Variants in MARCHF6 observed in about 807,000 individuals in gnomAD.
MARCHF6 encodes E3 ubiquitin-protein ligase MARCHF6.
In MARCHF6, 31 loss-of-function variants were observed where a neutral mutation model predicts 133.7. The observed-to-expected ratio is 0.23, with a 90% CI of 0.17 to 0.31. The LOEUF (loss-of-function observed/expected upper bound fraction) is 0.31, where lower values mean the gene tolerates loss of function less well. MARCHF6 is among the 10% of genes least tolerant of loss of function. MARCHF6 has a pLI of 1.00. For synonymous variants in MARCHF6, 395 were observed against 402.5 expected (o/e 0.98, Z 0.22); for missense variants, 723 against 1,121.6 (o/e 0.64, Z 5.08).
At chr5:10,406,393 C>CTT (rs879432928) in intron 16 of MARCHF6, among the ~76,000 whole-genome samples, 6 of 142,172 alleles carry the variant, frequency 4.2e-5, no homozygotes, top group Non-Finnish European at 7.8e-5. Flanking sequence ...TAATTTCTTT[C>CTT]TTTTTTTTTT....
At position 10,383,061 on chromosome 5, in the gene MARCHF6, T is replaced by TC. The variant is rs1162633228; in HGVS notation, c.334+1118_334+1119insC. On this transcript the variant is annotated intron_variant, in intron 4 of 25. Transcript: ENST00000274140. Reference sequence around the variant, plus strand: ...AGATTCATTAGAGTTAAACTAAATGTTTAATTAGTATAATTGATATCTTCA... The same window carrying TC: ...AGATTCATTAGAGTTAAACTAAATGTCTTAATTAGTATAATTGATATCTTCA... 3.3e-5 allele frequency among the ~76,000 whole-genome samples: 5 copies of TC among 152,234 alleles called. No individual in the cohort carries two copies. The East Asian group carries it at 9.6e-4, about 29-fold the overall frequency.
At chr5:10,429,175 A>G (rs1740242635) in intron 24 of MARCHF6, among the ~76,000 whole-genome samples, 1 of 152,204 alleles carries the variant, frequency 6.6e-6, no homozygotes, top group African/African-American at 2.4e-5. Context: ...CCTCGAAAGT[A>G]CTTGCTCTGA....
chr5:10,414,147 CAA>C (rs1014193709), intron 19 of MARCHF6, among the ~76,000 whole-genome samples: 3 of 143,668 alleles, frequency 2.1e-5, no homozygotes, highest in Non-Finnish European at 4.5e-5. Flanking sequence ...GTTTTAATAA[CAA>C]GGGAAAATTT....
chr5:10,364,064 T>TG (rs1735981547), intron 1 of MARCHF6, among the ~76,000 whole-genome samples: 1 of 152,206 alleles, frequency 6.6e-6, no homozygotes, highest in Non-Finnish European at 1.5e-5. Context: ...TTAAAACAAT[T>TG]GAAGTCTTTA....
chr5:10,384,635 C>G (rs1010267206), intron 4 of MARCHF6, among the ~76,000 whole-genome samples: 12 of 152,124 alleles, frequency 7.9e-5, no homozygotes, highest in African/African-American at 2.9e-4. Context: ...ACATGAAAAA[C>G]TGCTCAGCAT....
intron 3 of MARCHF6, among the ~76,000 whole-genome samples, chr5:10,379,486 C>T (rs536708235): frequency 1.3e-3 from 198 of 150,530 alleles, no homozygotes; most frequent in Non-Finnish European, 1.5e-3. Context: ...GACAGAATCT[C>T]GCTCTGTTCT....
At chr5:10,424,058 T>C (rs946444009) in intron 23 of MARCHF6, among the ~76,000 whole-genome samples, 1 of 152,120 alleles carries the variant, frequency 6.6e-6, no homozygotes, top group African/African-American at 2.4e-5. Flanking sequence ...TGGAACCCTT[T>C]AATAAAAGAC....
Position 10,417,292 on chromosome 5 carries a change from C to G in MARCHF6, c.2171C>G (p.Ala724Gly). The change falls in exon 22 of 26, where the codon GCG becomes GGG. Residue 724 changes from alanine to glycine, a missense_variant. By Grantham distance (60) the Ala-to-Gly change is moderately conservative (BLOSUM62 0). Transcript: ENST00000274140. ...TAGATCATGAAGACTTTGATAGTTGCGGTGCTGTTGGCTGGAGTTGTCCCT... is the reference window on the plus strand; with the variant it reads ...TAGATCATGAAGACTTTGATAGTTGGGGTGCTGTTGGCTGGAGTTGTCCCT... ...SLMIMKTLIVAVLLAGVVPLL... is the reference protein window; with the variant it reads ...SLMIMKTLIVGVLLAGVVPLL... 1 of 1,613,242 alleles carries G rather than the reference C, an allele frequency of 6.2e-7. No individual in the cohort carries two copies. The highest frequency in any genetic ancestry group is 8.5e-7 in the Non-Finnish European group (1 of 1,179,806).
Position 10,436,944 on chromosome 5 carries a change from T to C in MARCHF6, c.*3260T>C, listed in dbSNP as rs976366031. On this transcript the variant is annotated 3_prime_UTR_variant, in exon 26 of 26. Coordinates refer to ENST00000274140, the MANE Select transcript of MARCHF6 (RefSeq NM_005885.4). ...TGTCTTGTGTATTTTCTTTCCCTTA[T>C]TCAAGTAATATAGAATAACTTTCCT... The C allele has an allele frequency of 2.0e-5, 3 of 152,270 alleles. No homozygotes were observed. The highest frequency in any genetic ancestry group is 7.2e-5 in the African/African-American group (3 of 41,474). The allele number at this position is 152,270 out of a possible 1,614,324, so 9.4% of individuals were successfully genotyped here.
At chr5:10,414,360 T>C in intron 19 of MARCHF6, 73 bp from the exon 20 acceptor site, 1 of 825,882 alleles carries the variant, frequency 1.2e-6, no homozygotes, top group Non-Finnish European at 2.0e-6. Context: ...ATGGGAAGAT[T>C]GTGTTGATTC....
chr5:10,419,612 CTT>C (rs148493492), intron 22 of MARCHF6, among the ~76,000 whole-genome samples: 24,094 of 139,284 alleles, frequency 0.17, 3,033 homozygotes, highest in East Asian at 0.67. Context: ...AAAGAGCTAC[CTT>C]TTTTTTTTTT....
intron 11 of MARCHF6, 199 bp from the exon 12 acceptor site, chr5:10,401,860 C>T: frequency 1.8e-6 from 1 of 542,838 alleles, no homozygotes; most frequent in African/African-American, 1.9e-5. Context: ...AATTTTTCTT[C>T]ATTTTTTAGT....
At chr5:10,393,832 C>T (rs1340426357) in intron 7 of MARCHF6, among the ~76,000 whole-genome samples, 2 of 152,146 alleles carry the variant, frequency 1.3e-5, no homozygotes, top group African/African-American at 2.4e-5. Context: ...TTTCAGATAA[C>T]CTTATTTATT....
chr5:10,415,906 C>T (rs1450359074), intron 21 of MARCHF6, among the ~76,000 whole-genome samples: 2 of 152,160 alleles, frequency 1.3e-5, no homozygotes, highest in Non-Finnish European at 1.5e-5. Context: ...GGCACAATGG[C>T]GTATGCCTGT....
At chr5:10,432,709 T>G (rs189880957) in intron 25 of MARCHF6, among the ~76,000 whole-genome samples, 37 of 152,312 alleles carry the variant, frequency 2.4e-4, no homozygotes, top group African/African-American at 7.2e-4. Context: ...GCCATTGCCT[T>G]CTCCTTTCAT....
intron 5 of MARCHF6, among the ~76,000 whole-genome samples, chr5:10,387,978 A>G (rs769945702): frequency 2.2e-4 from 33 of 152,230 alleles, no homozygotes; most frequent in Non-Finnish European, 3.2e-4. Flanking sequence ...TCGTTTTAAC[A>G]TGTGTTTTTA....
At chr5:10,414,073 A>G (rs1038371710) in intron 19 of MARCHF6, among the ~76,000 whole-genome samples, 4 of 152,242 alleles carry the variant, frequency 2.6e-5, no homozygotes, top group African/African-American at 9.6e-5. Flanking sequence ...TTCTGTCATT[A>G]TAGAACATTT....
At chr5:10,387,643 C>T (rs1031733852) in intron 5 of MARCHF6, among the ~76,000 whole-genome samples, 26 of 152,052 alleles carry the variant, frequency 1.7e-4, no homozygotes, top group Non-Finnish European at 3.4e-4. Context: ...GTTTGAGATA[C>T]ATACTACTGT....
chr5:10,397,511 C>G (rs2567566), intron 10 of MARCHF6, among the ~76,000 whole-genome samples, 167 bp downstream of exon 10: 25,546 of 151,906 alleles, frequency 0.17, 3,327 homozygotes, highest in East Asian at 0.67. Context: ...CCCAGACAGA[C>G]AGATACTTTC....
Sources: allele counts gnomAD v4.1 joint callset (sites outside exome capture counted in the v4.1 genomes callset), GRCh38; gene constraint gnomAD v4.1.1; transcripts MANE v1.5; gene names NCBI Gene and HGNC (gene_info 2026-07-23, HGNC 2026-07-21).